The following PLEKHG7 variants were observed in gnomAD, a reference collection of about 807,000 sequenced individuals.
The protein encoded by PLEKHG7 is pleckstrin homology and RhoGEF domain containing G7.
PLEKHG7 carries 77 observed loss-of-function variants against 85.2 expected under a neutral mutation model. The ratio of observed to expected loss-of-function variants is 0.90; its 90% CI spans 0.75 to 1.09. PLEKHG7 has a LOEUF of 1.09. Ranked by LOEUF, PLEKHG7 falls within the 50% of genes least tolerant of loss-of-function variation. PLEKHG7 has a pLI of 0.00. For synonymous variants in PLEKHG7, 301 were observed against 302.4 expected, an observed-to-expected ratio of 1.00 and a Z score of 0.05; for missense variants, 777 against 804.3, an observed-to-expected ratio of 0.97 and a Z score of 0.41.
At chr12:92,750,299 C>T (rs937118248) in intron 10 of PLEKHG7, among the ~76,000 whole-genome samples, 10 of 152,076 alleles carry the variant, frequency 6.6e-5, no homozygotes, top group South Asian at 4.1e-4. Context: ...CCTTCCCTAA[C>T]GGACCTGAAA....
At chr12:92,769,833 TTTC>T (rs1368581724) in intron 16 of PLEKHG7, among the ~76,000 whole-genome samples, 11 of 152,208 alleles carry the variant, frequency 7.2e-5, no homozygotes, top group African/African-American at 2.7e-4. Flanking sequence ...TTGACTATTG[TTTC>T]TTGATTACTC....
At chr12:92,718,648 A>G (rs10859369) in intron 3 of PLEKHG7, among the ~76,000 whole-genome samples, 70,175 of 151,954 alleles carry the variant, frequency 0.46, 17,406 homozygotes, top group East Asian at 0.9. Flanking sequence ...GACTCCCTCC[A>G]GCTCCTCTTG....
rs1343523181 is a variant in PLEKHG7, at chr12:92,770,225, G to C, written c.*30G>C. ...CTAAAACAAGTGGCATGTCTTTTTA[G>C]AAGATTATGGTTTAAGGTATAATTT... On this transcript the variant is annotated 3_prime_UTR_variant, in exon 17 of 17. Transcript: ENST00000344636. 6 of 1,442,086 alleles carry C rather than the reference G, an allele frequency of 4.2e-6. No homozygotes were observed. Among genetic ancestry groups the C allele is most frequent in the Non-Finnish European group, 4.8e-6 (5 of 1,035,678 alleles). The allele number at this position is 1,442,086 out of a possible 1,614,324, so 89.3% of individuals were successfully genotyped here.
At chr12:92,710,422 T>A (rs535334074) in intron 3 of PLEKHG7, among the ~76,000 whole-genome samples, 1 of 152,250 alleles carries the variant, frequency 6.6e-6, no homozygotes, top group Non-Finnish European at 1.5e-5. Context: ...GTCCATAAAG[T>A]GAGTGCCTTG....
intron 3 of PLEKHG7, among the ~76,000 whole-genome samples, chr12:92,715,063 GAT>G (rs1202122261): frequency 6.9e-6 from 1 of 145,058 alleles, no homozygotes; most frequent in Non-Finnish European, 1.5e-5. Context: ...TAGATAGATA[GAT>G]AAAGAGTTTA....
At chr12:92,737,757 A>AGGGAGGGAAGGAGGGAGGG (rs1872216123) in intron 7 of PLEKHG7, among the ~76,000 whole-genome samples, 1 of 63,748 alleles carries the variant, frequency 1.6e-5, no homozygotes, top group African/African-American at 5.9e-5. Context: ...GGGAGGAAGG[A>AGGGAGGGAAGGAGGGAGGG]AGGAAGGAAG....
intron 10 of PLEKHG7, among the ~76,000 whole-genome samples, 165 bp from the exon 11 acceptor site, chr12:92,753,925 A>G (rs558952553): frequency 5.5e-4 from 84 of 152,354 alleles, no homozygotes; most frequent in African/African-American, 1.9e-3. Context: ...TGGAACATGC[A>G]CTTTTCAGGG....
intron 10 of PLEKHG7, among the ~76,000 whole-genome samples, chr12:92,748,724 G>T (rs930405548): frequency 6.6e-6 from 1 of 152,152 alleles, no homozygotes; most frequent in Non-Finnish European, 1.5e-5. Context: ...AAGAACCATA[G>T]CAAGATTTTC....
At chr12:92,716,147 A>T (rs1026071902) in intron 3 of PLEKHG7, among the ~76,000 whole-genome samples, 3 of 151,734 alleles carry the variant, frequency 2.0e-5, no homozygotes, top group African/African-American at 7.3e-5. Flanking sequence ...CTCAGGCTGG[A>T]GTGCATTGGT....
At chr12:92,761,638 GAAAGAAAGAAAGA>G (rs1420560430) in intron 13 of PLEKHG7, 101 bp from the exon 14 acceptor site, 65 of 519,422 alleles carry the variant, frequency 1.3e-4, no homozygotes, top group Middle Eastern at 8.9e-4. Context: ...AAGAAAGAAA[GAAAGAAAGAAAGA>G]AAGAAAGAAA....
chr12:92,761,569 AAGG>A (rs1383029381), intron 13 of PLEKHG7, among the ~76,000 whole-genome samples, 180 bp from the exon 14 acceptor site: 3 of 151,084 alleles, frequency 2.0e-5, no homozygotes, highest in Non-Finnish European at 4.4e-5. Flanking sequence ...AGAAGGAAGG[AAGG>A]AAGGAAGGAA....
chr12:92,717,201 A>G (rs1195988852), intron 3 of PLEKHG7, among the ~76,000 whole-genome samples: 1 of 152,256 alleles, frequency 6.6e-6, no homozygotes, highest in Non-Finnish European at 1.5e-5. Context: ...GCTCAAATAG[A>G]AAGTAGGAGA....
chr12:92,722,611 G>C (rs1871679376), intron 3 of PLEKHG7, among the ~76,000 whole-genome samples: 1 of 152,164 alleles, frequency 6.6e-6, no homozygotes, highest in Non-Finnish European at 1.5e-5. Context: ...TGACCTTTGT[G>C]CTCCCAAATG....
chr12:92,717,737 A>G (rs1871529256), intron 3 of PLEKHG7, among the ~76,000 whole-genome samples: 1 of 152,212 alleles, frequency 6.6e-6, no homozygotes, highest in Non-Finnish European at 1.5e-5. Context: ...CTTACAGCCT[A>G]GGTGTGTAGT....
intron 3 of PLEKHG7, among the ~76,000 whole-genome samples, chr12:92,714,555 G>A (rs1009722834): frequency 6.6e-6 from 1 of 152,166 alleles, no homozygotes; most frequent in Non-Finnish European, 1.5e-5. Context: ...CTCTACAAGA[G>A]ATAAGACTGT....
intron 3 of PLEKHG7, among the ~76,000 whole-genome samples, chr12:92,713,008 A>C (rs1301644829): frequency 1.3e-5 from 2 of 152,218 alleles, no homozygotes; most frequent in Non-Finnish European, 2.9e-5. Flanking sequence ...CCCAGTACAC[A>C]GTTACCTTGG....
intron 3 of PLEKHG7, among the ~76,000 whole-genome samples, chr12:92,715,510 G>A (rs1474637199): frequency 2.6e-5 from 4 of 151,872 alleles, no homozygotes; most frequent in Non-Finnish European, 4.4e-5. Context: ...AAAACAAACC[G>A]AGACAGATCC....
Position 92,745,501 on chromosome 12 carries a change from G to C in PLEKHG7, c.1161G>C (p.Gln387His). The change falls in exon 10 of 17, where the codon CAG (glutamine) becomes CAC (histidine). Residue 387 changes from glutamine (Q) to histidine (H), a missense_variant. Physicochemically the swap from Gln to His is conservative, Grantham distance 24. Coordinates refer to ENST00000344636, the MANE Select transcript of PLEKHG7 (RefSeq NM_001377329.1). ...LTKYFRGSLCQSHQTYCLNYS... is the reference protein window; with the variant it reads ...LTKYFRGSLCHSHQTYCLNYS... The stretch of plus-strand genomic sequence containing the variant: ...AGTATTTCCGAGGGAGTCTCTGTCA[G>C]AGCCACCAGACCTACTGCCTGAACT... The C allele has an allele frequency of 6.2e-7, 1 of 1,613,656 alleles. No individual in the cohort carries two copies. Among genetic ancestry groups the C allele is most frequent in the Non-Finnish European group, 8.5e-7 (1 of 1,179,632 alleles).
chr12:92,749,999 A>ATTATTTTATTTTATTTTATTTTATT (rs55645352), intron 10 of PLEKHG7, among the ~76,000 whole-genome samples: 3 of 93,706 alleles, frequency 3.2e-5, no homozygotes, highest in African/African-American at 4.2e-5. Flanking sequence ...ATTTTATTTT[A>ATTATTTTATTTTATTTTATTTTATT]TTATTTTATT....
Sources: allele counts gnomAD v4.1 joint callset (sites outside exome capture counted in the v4.1 genomes callset), GRCh38; gene constraint gnomAD v4.1.1; transcripts MANE v1.5; gene names NCBI Gene and HGNC (gene_info 2026-07-23, HGNC 2026-07-21).